Variants in ABCA10 observed in about 807,000 individuals in gnomAD.
ABCA10 encodes ATP binding cassette subfamily A member 10.
Under a neutral mutation model 187.5 loss-of-function variants are expected in ABCA10, and 169 were observed. The observed-to-expected ratio is 0.90, with a 90% confidence interval of 0.80 to 1.02. ABCA10 has a LOEUF of 1.02. Ranked by LOEUF, ABCA10 falls within the 50% of genes least tolerant of loss-of-function variation. The pLI, the probability that ABCA10 is intolerant of heterozygous loss-of-function variation, is 0.00. For synonymous variants in ABCA10, 574 were observed against 601.8 expected, an observed-to-expected ratio of 0.95 and a Z score of 0.68; for missense variants, 1,727 against 1,812.4, an observed-to-expected ratio of 0.95 and a Z score of 0.86.
At chr17:69,230,076 C>A (rs571708707), upstream of ABCA10, among the ~76,000 whole-genome samples, 5 of 152,106 alleles carry the variant, frequency 3.3e-5, no homozygotes, top group African/African-American at 1.2e-4. Flanking sequence ...AATGGATTAA[C>A]ACTATTATCT....
rs759308109 is a variant in ABCA10, at chr17:69,219,736, T to C, written c.339A>G (p.Thr113=). Residue 113 remains threonine, a synonymous_variant, in exon 6 of 39, where the codon ACA becomes ACG. Transcript: ENST00000690296. Reference sequence around the variant, plus strand: ...TCTTCATATTTATTCCAATAACTGATGTCAACTCCTCCATTACAGAATGAT... The same window carrying C: ...TCTTCATATTTATTCCAATAACTGACGTCAACTCCTCCATTACAGAATGAT... ...TTNHSVMEEL[T]SVIGINMKIP... The C allele has an allele frequency of 3.4e-5, 55 of 1,606,318 alleles. No individual in the cohort carries two copies. Among genetic ancestry groups the C allele is most frequent in the Non-Finnish European group, 4.7e-5 (55 of 1,176,872 alleles).
intron 3 of ABCA10, among the ~76,000 whole-genome samples, chr17:69,223,422 G>C (rs1184223301): frequency 6.6e-6 from 1 of 152,160 alleles, no homozygotes; most frequent in Non-Finnish European, 1.5e-5. Context: ...ATAAATGAAT[G>C]AGTTTACAAT....
In ABCA10 at chr17:69,153,298, T is replaced by C. The variant is rs1226463490; in HGVS notation, c.4136+7A>G. 6.2e-7 allele frequency: 1 copy of C among 1,603,584 alleles called. No homozygotes were observed. Among genetic ancestry groups the C allele is most frequent in the Non-Finnish European group, 8.5e-7 (1 of 1,176,244 alleles). On this transcript the variant is annotated splice_region_variant and intron_variant, in intron 34 of 38. Transcript: ENST00000690296. ...TGACTCTGACACTTAATATTCACTC[T>C]CCTTACCACATTTGCTGCTGCCCCT...
chr17:69,242,471 T>C (rs972075529), intron 1 of ABCA10, among the ~76,000 whole-genome samples: 3 of 152,200 alleles, frequency 2.0e-5, no homozygotes, highest in Non-Finnish European at 2.9e-5. Flanking sequence ...TCTTTCTTTC[T>C]GTTTTTTTCT....
chr17:69,200,826 C>T (rs923806496), intron 10 of ABCA10, among the ~76,000 whole-genome samples: 4 of 152,346 alleles, frequency 2.6e-5, no homozygotes, highest in South Asian at 2.1e-4. Context: ...CATCCTCCCA[C>T]GTCAGCCTCC....
chr17:69,156,760 T>C, intron 28 of ABCA10, 72 bp downstream of exon 28: 1 of 967,878 alleles, frequency 1.0e-6, no homozygotes, highest in African/African-American at 1.7e-5. Context: ...AACAAATAAA[T>C]AAATGAAATT....
upstream of ABCA10, among the ~76,000 whole-genome samples, chr17:69,230,547 A>G (rs946906504): frequency 4.6e-5 from 7 of 152,050 alleles, no homozygotes; most frequent in Non-Finnish European, 8.8e-5. Context: ...GAATGTTGAA[A>G]TACTCCAGAT....
At chr17:69,191,364 A>G (rs1220603936) in intron 16 of ABCA10, 49 bp from the exon 17 acceptor site, 11 of 1,443,984 alleles carry the variant, frequency 7.6e-6, no homozygotes, top group Non-Finnish European at 1.0e-5. Flanking sequence ...TTCCAACACC[A>G]CCACTCATGA....
At chr17:69,239,394 C>T (rs995758317) in intron 1 of ABCA10, among the ~76,000 whole-genome samples, 1 of 152,108 alleles carries the variant, frequency 6.6e-6, no homozygotes, top group Non-Finnish European at 1.5e-5. Context: ...TTGTAAGCTC[C>T]TTTTAGTAAA....
chr17:69,157,708 G>T (rs933641512), intron 27 of ABCA10, among the ~76,000 whole-genome samples: 2 of 151,996 alleles, frequency 1.3e-5, no homozygotes, highest in Non-Finnish European at 1.5e-5. Context: ...AATAGAAGTA[G>T]CTCTGAATAT....
chr17:69,169,090 T>G (rs2074276291), intron 25 of ABCA10, among the ~76,000 whole-genome samples: 1 of 152,224 alleles, frequency 6.6e-6, no homozygotes, highest in South Asian at 2.1e-4. Context: ...TTATGCTCTT[T>G]TAAAATCTCA....
rs1189515325 is a variant in ABCA10, at chr17:69,190,400, C to T, written c.2089G>A (p.Val697Ile). The change falls in exon 18 of 39, where the codon GTA becomes ATA. Residue 697 changes from valine to isoleucine, a missense_variant. Val to Ile is a conservative substitution (Grantham distance 29). Coordinates refer to ENST00000690296, the MANE Select transcript of ABCA10 (RefSeq NM_001377321.1). Reference sequence around the variant, plus strand: ...GATTTTCCTTCTAGGTTCAAGAATACTTCATTCAGAGATGTCACTGAAACA... The same window carrying T: ...GATTTTCCTTCTAGGTTCAAGAATATTTCATTCAGAGATGTCACTGAAACA... ...YAVSVTSLNE[V>I]FLNLEGKSAI... 6.3e-7 allele frequency: 1 copy of T among 1,578,866 alleles called. No individual in the cohort carries two copies.
At chr17:69,148,960 T>A (rs767556211) in intron 38 of ABCA10, 35 bp from the exon 39 acceptor site, 1 of 1,612,734 alleles carries the variant, frequency 6.2e-7, no homozygotes, top group Admixed American at 1.7e-5. Flanking sequence ...TACAAAAATG[T>A]CAGGGTGTGT....
At chr17:69,152,841 G>C (rs1450638607) in intron 34 of ABCA10, among the ~76,000 whole-genome samples, 1 of 151,844 alleles carries the variant, frequency 6.6e-6, no homozygotes, top group Non-Finnish European at 1.5e-5. Context: ...TAGGCTACAA[G>C]AGAAAATCTT....
intron 1 of ABCA10, among the ~76,000 whole-genome samples, chr17:69,243,475 T>C (rs1291989478): frequency 6.6e-6 from 1 of 152,206 alleles, no homozygotes; most frequent in East Asian, 1.9e-4. Flanking sequence ...AAATACAGTA[T>C]TATATTTTAT....
Position 69,153,868 on chromosome 17 carries a change from C to T in ABCA10, c.3928G>A (p.Gly1310Arg). The change falls in exon 32 of 39, where the codon GGA becomes AGA. Residue 1310 changes from glycine to arginine, a missense_variant. Transcript: ENST00000690296. ...AGAGCAGCATCTTCTTTGCCCAGTC[C>T]TTTCACAGCTGCATACAACTCCAAG... ...EHLELYAAVK[G>R]LGKEDAALSI... The T allele has an allele frequency of 6.2e-7, 1 of 1,614,010 alleles. No individual in the cohort carries two copies. Among genetic ancestry groups the T allele is most frequent in the East Asian group, 2.2e-5 (1 of 44,868 alleles).
intron 34 of ABCA10, 91 bp from the exon 35 acceptor site, chr17:69,152,572 TTA>T (rs2074138280): frequency 4.6e-6 from 7 of 1,506,184 alleles, no homozygotes; most frequent in Non-Finnish European, 6.2e-6. Flanking sequence ...AGAGAAAATG[TTA>T]TGTTAGGATG....
At chr17:69,165,158 T>C (rs1362100696) in intron 25 of ABCA10, 75 bp from the exon 26 acceptor site, 1 of 1,255,536 alleles carries the variant, frequency 8.0e-7, no homozygotes. Context: ...GTGAATAACC[T>C]GTTTTCCTGG....
intron 20 of ABCA10, among the ~76,000 whole-genome samples, chr17:69,183,614 G>T (rs571307216): frequency 2.0e-5 from 3 of 152,226 alleles, no homozygotes; most frequent in African/African-American, 7.2e-5. Flanking sequence ...TTGAGATCAC[G>T]GGAGGATTTT....
Sources: gnomAD v4.1 joint callset for allele counts (sites outside exome capture counted in the v4.1 genomes callset) on GRCh38, gnomAD v4.1.1 for gene constraint, MANE v1.5 for transcripts, NCBI Gene and HGNC (gene_info 2026-07-23, HGNC 2026-07-21) for gene names.